The following FRMD4B variants were observed in gnomAD, a reference collection of about 807,000 sequenced individuals.
The protein encoded by FRMD4B is FERM domain containing 4B.
In FRMD4B, 74 loss-of-function variants were observed where a neutral mutation model predicts 141.5. The ratio of observed to expected loss-of-function variants is 0.52; its 90% CI spans 0.43 to 0.63. FRMD4B has a LOEUF of 0.63. Ranked by LOEUF, FRMD4B falls within the 30% of genes least tolerant of loss-of-function variation. The pLI is 0.00. For missense variants in FRMD4B, 1,366 were observed against 1,253.4 expected (o/e 1.09, Z -1.36); for synonymous variants, 506 against 467.9 (o/e 1.08, Z -1.05).
chr3:69,198,468 C>CCA, intron 12 of FRMD4B: 1 of 487,446 alleles, frequency 2.1e-6, no homozygotes, highest in Non-Finnish European at 3.6e-6. Flanking sequence ...GGCATTGGAA[C>CCA]CACATATACT....
intron 2 of FRMD4B, among the ~76,000 whole-genome samples, chr3:69,409,074 G>C (rs962305761): frequency 3.9e-5 from 6 of 152,238 alleles, no homozygotes; most frequent in African/African-American, 1.4e-4. Context: ...TGTCTAAAAG[G>C]CCAGTTCTTG....
intron 1 of FRMD4B, among the ~76,000 whole-genome samples, chr3:69,375,307 A>ATCCATCCT (rs1553732604): frequency 5.4e-5 from 8 of 149,176 alleles, no homozygotes; most frequent in African/African-American, 1.8e-4. Context: ...CCATCCATCC[A>ATCCATCCT]TCCTTCCTTC....
chr3:69,386,033 G>A lies in FRMD4B; in HGVS notation c.-44C>T, dbSNP rs770361671. The A allele has an allele frequency of 2.7e-6, 4 of 1,482,798 alleles. No homozygotes were observed. Among genetic ancestry groups the A allele is most frequent in the African/African-American group, 1.4e-5 (1 of 70,602 alleles). 91.9% of individuals were successfully genotyped at this position (1,482,798 alleles called of 1,614,324 possible). A position where few individuals can be genotyped will look rare whatever the true frequency, so the allele number is the denominator to read the frequency against. On this transcript the variant is annotated 5_prime_UTR_variant, in exon 1 of 23. The change creates a new upstream start codon in the 5' untranslated region. Coordinates refer to ENST00000398540, the MANE Select transcript of FRMD4B (RefSeq NM_015123.3). ...AACCCGGGCGTCCCGGCTCTCGTAC[G>A]TGCAGCCCCGACCCCAGCGGCCTGC... is the stretch of plus-strand genomic sequence containing the variant.
intron 4 of FRMD4B, among the ~76,000 whole-genome samples, chr3:69,288,099 A>G (rs1371992539): frequency 6.6e-6 from 1 of 152,256 alleles, no homozygotes; most frequent in Non-Finnish European, 1.5e-5. Context: ...AACCAAAAAC[A>G]AACAAAAACA....
chr3:69,422,266 G>A (rs1472923879), intron 2 of FRMD4B, among the ~76,000 whole-genome samples: 1 of 151,992 alleles, frequency 6.6e-6, no homozygotes, highest in Non-Finnish European at 1.5e-5. Context: ...GGTGGCATGT[G>A]CCTGTAGTCC....
chr3:69,295,469 G>A (rs1430647780), intron 4 of FRMD4B, among the ~76,000 whole-genome samples: 3 of 152,202 alleles, frequency 2.0e-5, no homozygotes, highest in East Asian at 1.9e-4. Flanking sequence ...CTGCAGGCAC[G>A]CACTACCATG....
rs551302224 is a variant in FRMD4B at position 69,337,717 on chromosome 3, C to T, written c.163-24200G>A. Among the ~76,000 whole-genome samples, 107 of 152,342 alleles carry T rather than the reference C, an allele frequency of 7.0e-4. 2 individuals are homozygous for T. The South Asian group carries it at 0.02, about 29-fold the overall frequency. On this transcript the variant is annotated intron_variant, in intron 1 of 22. Transcript: ENST00000398540. Reference sequence around the variant, plus strand: ...AGACCCATGAAAGAATGCTCATCATCACTGGACATCAGAGAAATGCAAATC... The same window carrying T: ...AGACCCATGAAAGAATGCTCATCATTACTGGACATCAGAGAAATGCAAATC...
chr3:69,390,467 A>T (rs1575784144), upstream of FRMD4B, among the ~76,000 whole-genome samples: 2 of 152,286 alleles, frequency 1.3e-5, no homozygotes, highest in South Asian at 4.1e-4. Flanking sequence ...GGGAGATGCT[A>T]CTGGCGTCTA....
chr3:69,229,964 G>A (rs191041474), intron 7 of FRMD4B, among the ~76,000 whole-genome samples: 41 of 151,790 alleles, frequency 2.7e-4, no homozygotes, highest in African/African-American at 5.8e-4. Flanking sequence ...GACCGCACCC[G>A]GCCAGACTAT....
At chr3:69,373,475 A>G (rs912818997) in intron 1 of FRMD4B, among the ~76,000 whole-genome samples, 2 of 152,254 alleles carry the variant, frequency 1.3e-5, no homozygotes, top group African/African-American at 2.4e-5. Flanking sequence ...ATATTTGCCA[A>G]ATGAGTTTAA....
intron 1 of FRMD4B, among the ~76,000 whole-genome samples, chr3:69,486,239 G>A (rs188088957): frequency 1.9e-4 from 29 of 152,198 alleles, no homozygotes; most frequent in Non-Finnish European, 2.5e-4. Flanking sequence ...ATTATTTTCC[G>A]TAAGTTGTTG....
chr3:69,227,671 A>G (rs1234754163), intron 7 of FRMD4B, among the ~76,000 whole-genome samples: 1 of 144,322 alleles, frequency 6.9e-6, no homozygotes, highest in African/African-American at 2.9e-5. Context: ...TCAAAAAAAA[A>G]AAAAGAAAAG....
At chr3:69,240,885 T>G (rs537094551) in intron 7 of FRMD4B, among the ~76,000 whole-genome samples, 2 of 152,350 alleles carry the variant, frequency 1.3e-5, no homozygotes, top group African/African-American at 4.8e-5. Context: ...CTGGATGGTT[T>G]GCACTTTGAG....
chr3:69,196,212 G>A (rs201987331), intron 14 of FRMD4B, 43 bp downstream of exon 14: 55 of 1,490,770 alleles, frequency 3.7e-5, no homozygotes, highest in Admixed American at 3.3e-4. Flanking sequence ...AAAAACAAAC[G>A]AAATAAAGAT....
chr3:69,354,029 A>G (rs924752523), intron 1 of FRMD4B, among the ~76,000 whole-genome samples: 1 of 152,202 alleles, frequency 6.6e-6, no homozygotes, highest in Non-Finnish European at 1.5e-5. Flanking sequence ...GAGGCTGGGA[A>G]TTTAATGAAT....
intron 5 of FRMD4B, among the ~76,000 whole-genome samples, chr3:69,276,626 T>C (rs2093619073): frequency 6.6e-6 from 1 of 152,170 alleles, no homozygotes; most frequent in Non-Finnish European, 1.5e-5. Context: ...CAAGAGAACT[T>C]TGATACCTCC....
chr3:69,417,424 C>A (rs952262092), intron 2 of FRMD4B, among the ~76,000 whole-genome samples: 1 of 152,088 alleles, frequency 6.6e-6, no homozygotes, highest in Admixed American at 6.6e-5. Flanking sequence ...AATTTAAGTT[C>A]TTTGTAGATT....
chr3:69,211,484 C>G (rs2093079343), intron 11 of FRMD4B, among the ~76,000 whole-genome samples: 1 of 152,174 alleles, frequency 6.6e-6, no homozygotes, highest in Admixed American at 6.5e-5. Flanking sequence ...GGAGGTCAAA[C>G]AAATACCTCC....
chr3:69,306,203 C>T (rs1282805505), intron 3 of FRMD4B, among the ~76,000 whole-genome samples: 1 of 152,160 alleles, frequency 6.6e-6, no homozygotes, highest in African/African-American at 2.4e-5. Context: ...TTGCTTATAA[C>T]TTGCTTTTGT....
Sources: allele counts gnomAD v4.1 joint callset (sites outside exome capture counted in the v4.1 genomes callset), GRCh38; gene constraint gnomAD v4.1.1; transcripts MANE v1.5; gene names NCBI Gene and HGNC (gene_info 2026-07-23, HGNC 2026-07-21).